The following ACTR3C variants were observed in gnomAD, a reference collection of about 807,000 sequenced individuals.
ACTR3C encodes the protein actin related protein 3C.
In ACTR3C, 18 loss-of-function variants were observed where a neutral mutation model predicts 26.3. The observed-to-expected ratio is 0.68, with a 90% CI of 0.47 to 1.01. ACTR3C has a LOEUF of 1.01. Ranked by LOEUF, ACTR3C falls within the 50% of genes least tolerant of loss-of-function variation. The pLI, the probability that ACTR3C is intolerant of heterozygous loss-of-function variation, is 0.00. For synonymous variants in ACTR3C, 55 were observed against 94.5 expected (o/e 0.58, Z 2.42); for missense variants, 184 against 250.7 (o/e 0.73, Z 1.80).
the ACTR3C span, among the ~76,000 whole-genome samples, chr7:150,050,853 T>C: frequency 2.6e-5 from 4 of 151,330 alleles, no homozygotes; most frequent in African/African-American, 9.8e-5. Flanking sequence ...ACGCCTGTAA[T>C]CCCAGCACTT....
At chr7:150,213,901 C>T in the ACTR3C span, among the ~76,000 whole-genome samples, 3 of 142,286 alleles carry the variant, frequency 2.1e-5, no homozygotes, top group Admixed American at 7.1e-5. Context: ...TGAAGGTCAA[C>T]AAGAAAGCTT....
At position 150,285,167 on chromosome 7, in the gene ACTR3C, G is replaced by A. The variant is rs963792113; in HGVS notation, c.472-322C>T. ...AGTGGAGAGTATGTGCACGATCTAC[G>A]TGACACGCAGTGAGAAACATGACTT... On this transcript the variant is annotated intron_variant, in intron 5 of 7. Transcript: ENST00000683684. 1.3e-4 allele frequency among the ~76,000 whole-genome samples: 20 copies of A among 152,146 alleles called. 1 individual carries two copies. Among genetic ancestry groups the A allele is most frequent in the Admixed American group, 2.6e-4 (4 of 15,290 alleles).
the ACTR3C span, among the ~76,000 whole-genome samples, chr7:150,180,511 CTTTTT>C: frequency 8.0e-6 from 1 of 125,770 alleles, no homozygotes; most frequent in African/African-American, 3.5e-5. Flanking sequence ...AGTAGTATAT[CTTTTT>C]TTTTTTTTTT....
the ACTR3C span, among the ~76,000 whole-genome samples, chr7:150,050,594 G>T: frequency 1.3e-5 from 2 of 152,220 alleles, no homozygotes; most frequent in African/African-American, 4.8e-5. Flanking sequence ...TTAAGCAGAA[G>T]AAACGGAGGG....
chr7:150,314,231 G>A (rs1796598738), intron 1 of ACTR3C, among the ~76,000 whole-genome samples: 1 of 152,210 alleles, frequency 6.6e-6, no homozygotes, highest in Non-Finnish European at 1.5e-5. Context: ...GACTTTATGT[G>A]ACCAGTTTTG....
At chr7:150,253,190 G>C (rs1037872924) in intron 6 of ACTR3C, among the ~76,000 whole-genome samples, 1 of 152,202 alleles carries the variant, frequency 6.6e-6, no homozygotes, top group Non-Finnish European at 1.5e-5. Flanking sequence ...TACACAAGAA[G>C]ATAAAGTCAT....
At chr7:149,980,579 A>T in the ACTR3C span, among the ~76,000 whole-genome samples, 90 of 152,346 alleles carry the variant, frequency 5.9e-4, 1 homozygote, top group Admixed American at 2.4e-3. Flanking sequence ...TTTATTCAAG[A>T]CAGTAAATGT....
the ACTR3C span, among the ~76,000 whole-genome samples, chr7:150,037,759 C>T: frequency 2.9e-3 from 121 of 41,904 alleles, 13 homozygotes; most frequent in Middle Eastern, 0.018. Context: ...CCCACCCTCG[C>T]GGGGGGTGCC....
At chr7:150,041,639 C>T in the ACTR3C span, among the ~76,000 whole-genome samples, 4 of 109,832 alleles carry the variant, frequency 3.6e-5, no homozygotes, top group African/African-American at 9.9e-5. Flanking sequence ...GGGGTGCCTC[C>T]CCCCCCCTGC....
the ACTR3C span, among the ~76,000 whole-genome samples, chr7:150,158,253 T>C: frequency 6.6e-6 from 1 of 152,086 alleles, no homozygotes; most frequent in East Asian, 1.9e-4. Flanking sequence ...GACGGCAAAT[T>C]GTTATAGTCA....
the ACTR3C span, among the ~76,000 whole-genome samples, chr7:150,206,088 G>A: frequency 6.6e-6 from 1 of 152,202 alleles, no homozygotes; most frequent in African/African-American, 2.4e-5. Context: ...GTGAGAAAGT[G>A]AGGGCGGGAT....
At chr7:149,984,867 C>G in the ACTR3C span, among the ~76,000 whole-genome samples, 70,170 of 152,032 alleles carry the variant, frequency 0.46, 17,559 homozygotes, top group South Asian at 0.57. Flanking sequence ...AATGTCGCTT[C>G]TGTTACCCAG....
chr7:150,226,557 C>T, the ACTR3C span, among the ~76,000 whole-genome samples: 2 of 152,160 alleles, frequency 1.3e-5, no homozygotes, highest in Non-Finnish European at 2.9e-5. Context: ...CTGCCTTAGC[C>T]TCCTGAGTAG....
chr7:150,084,466 G>A, the ACTR3C span, among the ~76,000 whole-genome samples: 1 of 152,100 alleles, frequency 6.6e-6, no homozygotes, highest in African/African-American at 2.4e-5. Flanking sequence ...AGATTGTGTG[G>A]CGGGGGGAGA....
At chr7:150,261,116 CA>C (rs1833606046) in intron 6 of ACTR3C, among the ~76,000 whole-genome samples, 1 of 152,158 alleles carries the variant, frequency 6.6e-6, no homozygotes, top group South Asian at 2.1e-4. Context: ...ATTATAATTT[CA>C]AAGTCATGCT....
intron 3 of ACTR3C, among the ~76,000 whole-genome samples, chr7:150,291,480 A>G (rs1419418360): frequency 1.3e-5 from 2 of 152,204 alleles, no homozygotes; most frequent in African/African-American, 4.8e-5. Flanking sequence ...AGTATAATAC[A>G]GGTCTTTGGG....
chr7:150,048,469 C>A, the ACTR3C span, among the ~76,000 whole-genome samples: 1 of 152,022 alleles, frequency 6.6e-6, no homozygotes, highest in East Asian at 1.9e-4. Flanking sequence ...GGGGACCACG[C>A]GGGTCGTGGG....
At chr7:150,054,984 G>T in the ACTR3C span, among the ~76,000 whole-genome samples, 1 of 152,140 alleles carries the variant, frequency 6.6e-6, no homozygotes, top group Non-Finnish European at 1.5e-5. Context: ...TCAATTTCTT[G>T]CTCCTTTTGG....
chr7:150,111,904 C>T, the ACTR3C span, among the ~76,000 whole-genome samples: 3 of 151,880 alleles, frequency 2.0e-5, no homozygotes, highest in African/African-American at 7.2e-5. Context: ...CGCGCTGGCC[C>T]GCCTCACTTC....
Sources: allele counts gnomAD v4.1 joint callset (sites outside exome capture counted in the v4.1 genomes callset), GRCh38; gene constraint gnomAD v4.1.1; transcripts MANE v1.5; gene names NCBI Gene and HGNC (gene_info 2026-07-23, HGNC 2026-07-21).